BRCA2: variants seen among roughly 807,000 people sequenced by gnomAD.
The protein encoded by BRCA2 is BRCA2 DNA repair associated.
Under a neutral mutation model 276.7 loss-of-function variants are expected in BRCA2, and 203 were observed. That is an observed-to-expected ratio of 0.73 (90% CI 0.65 to 0.82). The LOEUF (loss-of-function observed/expected upper bound fraction) is 0.82. Ranked by LOEUF, BRCA2 falls within the 40% of genes least tolerant of loss-of-function variation. The pLI is 0.00. For missense variants in BRCA2, 3,920 were observed against 3,915.0 expected, an observed-to-expected ratio of 1.00 and a Z score of -0.03; for synonymous variants, 1,289 against 1,338.4, an observed-to-expected ratio of 0.96 and a Z score of 0.81.
At chr13:32,395,132 T>C (rs1375245854) in intron 25 of BRCA2, among the ~76,000 whole-genome samples, 199 bp downstream of exon 25, 1 of 152,094 alleles carries the variant, frequency 6.6e-6, no homozygotes, top group African/African-American at 2.4e-5. Flanking sequence ...AAGAATGACT[T>C]GAAGGGAAAT....
intron 20 of BRCA2, among the ~76,000 whole-genome samples, chr13:32,376,272 C>T (rs996042325): frequency 6.6e-6 from 1 of 151,436 alleles, no homozygotes; most frequent in Non-Finnish European, 1.5e-5. Context: ...TCTGTAATCC[C>T]AACAGTTTGG....
At chr13:32,383,421 A>G (rs2072938870) in intron 24 of BRCA2, among the ~76,000 whole-genome samples, 1 of 152,310 alleles carries the variant, frequency 6.6e-6, no homozygotes, top group Non-Finnish European at 1.5e-5. Flanking sequence ...TCATTATCTA[A>G]GAAAGTGGTA....
chr13:32,330,465 A>G (rs984565671), intron 8 of BRCA2, among the ~76,000 whole-genome samples: 2 of 152,200 alleles, frequency 1.3e-5, no homozygotes, highest in Non-Finnish European at 2.9e-5. Context: ...CAGCATCATT[A>G]TACTTGTGCT....
At chr13:32,323,312 C>G (rs1017732068) in intron 3 of BRCA2, among the ~76,000 whole-genome samples, 5 of 152,258 alleles carry the variant, frequency 3.3e-5, no homozygotes, top group Admixed American at 2.6e-4. Context: ...GCCACCACAC[C>G]TGGCTGATTT....
rs11571762 is a variant in BRCA2 at position 32,377,685 on chromosome 13, C to G, written c.8754+894C>G. 2.7e-3 allele frequency among the ~76,000 whole-genome samples: 412 copies of G among 151,076 alleles called. No individual in the cohort carries two copies. Among genetic ancestry groups the G allele is most frequent in the Non-Finnish European group, 4.6e-3 (315 of 67,850 alleles). ...AAAAGTTCCATATAAATGTTAGTTA[C>G]TATTATTAGAACATAATTTTATATA... On this transcript the variant is annotated intron_variant, in intron 21 of 26. Coordinates refer to ENST00000380152, the MANE Select transcript of BRCA2 (RefSeq NM_000059.4).
At chr13:32,373,518 A>T (rs913389056) in intron 20 of BRCA2, among the ~76,000 whole-genome samples, 10 of 151,402 alleles carry the variant, frequency 6.6e-5, no homozygotes, top group Non-Finnish European at 8.8e-5. Context: ...AAAAATAAAT[A>T]AAAAAAAATA....
chr13:32,328,753 T>C (rs910781279), intron 7 of BRCA2, among the ~76,000 whole-genome samples: 1 of 152,236 alleles, frequency 6.6e-6, no homozygotes, highest in Non-Finnish European at 1.5e-5. Context: ...TCATTGTTTA[T>C]CTGAAATTCA....
In BRCA2 at chr13:32,388,443, A is replaced by G. The variant is rs183854017; in HGVS notation, c.9257-6246A>G. On this transcript the variant is annotated intron_variant, in intron 24 of 26. Transcript: ENST00000380152. ...GTGTCTTAGGATTTTTCAACTTTAT[A>G]ATGGTCTGAAAACAAAACATGAGTA... is the stretch of plus-strand genomic sequence containing the variant. Among the ~76,000 whole-genome samples, 686 of 152,174 alleles carry G rather than the reference A, an allele frequency of 4.5e-3. 8 individuals carry two copies. Among genetic ancestry groups the G allele is most frequent in the South Asian group, 6.0e-3 (29 of 4,820 alleles).
At chr13:32,356,852 TC>T (rs2072702317) in intron 15 of BRCA2, among the ~76,000 whole-genome samples, 1 of 152,214 alleles carries the variant, frequency 6.6e-6, no homozygotes, top group Non-Finnish European at 1.5e-5. Context: ...TTCAAATCTT[TC>T]TTATTTTGTC....
At position 32,339,646 on chromosome 13, in the gene BRCA2, C is replaced by CA. The variant is rs1555284157; in HGVS notation, c.5297dup (p.Asn1766LysfsTer2). 6.2e-7 allele frequency: 1 copy of CA among 1,612,294 alleles called. No individual in the cohort carries two copies. Among genetic ancestry groups the CA allele is most frequent in the Non-Finnish European group, 8.5e-7 (1 of 1,178,834 alleles). On this transcript the variant is annotated frameshift_variant, in exon 11 of 27. Coordinates refer to ENST00000380152, the MANE Select transcript of BRCA2 (RefSeq NM_000059.4). LOFTEE classifies it high-confidence loss of function. ...GTATATAATGATTCAGGATATCTCTCAAAAAATAAACTTGATTCTGGTATT... is the reference window on the plus strand; with the variant it reads ...GTATATAATGATTCAGGATATCTCTCAAAAAAATAAACTTGATTCTGGTATT...
chr13:32,347,036 G>T, intron 13 of BRCA2, 140 bp downstream of exon 13: 1 of 621,916 alleles, frequency 1.6e-6, no homozygotes, highest in Non-Finnish European at 2.6e-6. Context: ...AAAATACTTT[G>T]GTAGTATTTT....
chr13:32,370,369 C>G (rs2137596124), intron 18 of BRCA2, 33 bp from the exon 19 acceptor site: 1 of 1,585,540 alleles, frequency 6.3e-7, no homozygotes, highest in South Asian at 1.1e-5. Context: ...ACATATTTAA[C>G]TACTAAATCA....
intron 19 of BRCA2, 46 bp from the exon 20 acceptor site, chr13:32,370,910 A>G (rs777290342): frequency 1.2e-6 from 2 of 1,611,182 alleles, no homozygotes; most frequent in Admixed American, 1.7e-5. Flanking sequence ...ATTAACTTGA[A>G]TGTTATATAT....
intron 21 of BRCA2, among the ~76,000 whole-genome samples, chr13:32,378,886 C>T (rs1353125255): frequency 2.6e-5 from 4 of 152,180 alleles, no homozygotes; most frequent in African/African-American, 9.7e-5. Context: ...GGGCCAACCT[C>T]TACTACCTAT....
At position 32,340,096 on chromosome 13, in the gene BRCA2, G is replaced by A. The variant is rs80358801; in HGVS notation, c.5741G>A (p.Ser1914Asn). 3 of 1,613,776 alleles carry A rather than the reference G, an allele frequency of 1.9e-6. No individual in the cohort carries two copies. The South Asian group carries it at 3.3e-5, about 18-fold the overall frequency. ...LHNSLDNDEC[S>N]THSHKVFADI... Reference sequence around the variant, plus strand: ...AACTCTCTAGATAATGATGAATGTAGCACGCATTCACATAAGGTTTTTGCT... The same window carrying A: ...AACTCTCTAGATAATGATGAATGTAACACGCATTCACATAAGGTTTTTGCT... The change falls in exon 11 of 27, where the codon AGC becomes AAC. Residue 1914 changes from serine (S) to asparagine (N), a missense_variant. This residue lies in a region of BRCA2 where 3,263 missense variants were observed against 3,156.9 expected (regional missense o/e 1.03). Coordinates refer to ENST00000380152, the MANE Select transcript of BRCA2 (RefSeq NM_000059.4).
rs80358811 is a variant in BRCA2 at position 32,340,191 on chromosome 13, T to A, written c.5836T>A (p.Ser1946Thr). 1 of 1,613,520 alleles carries A rather than the reference T, an allele frequency of 6.2e-7. No homozygotes were observed. Among genetic ancestry groups the A allele is most frequent in the South Asian group, 1.1e-5 (1 of 91,024 alleles). The change falls in exon 11 of 27, where the codon TCA (serine) becomes ACA (threonine). Residue 1946 changes from serine to threonine, a missense_variant. By Grantham distance (58) the Ser-to-Thr change is moderately conservative. This residue lies in a region of BRCA2 where 3,263 missense variants were observed against 3,156.9 expected (regional missense o/e 1.03). Coordinates refer to ENST00000380152, the MANE Select transcript of BRCA2 (RefSeq NM_000059.4). ...MSGLEKVSKI[S>T]PCDVSLETSD... ...TGGATTGGAGAAAGTTTCTAAAATATCACCTTGTGATGTTAGTTTGGAAAC... is the reference window on the plus strand; with the variant it reads ...TGGATTGGAGAAAGTTTCTAAAATAACACCTTGTGATGTTAGTTTGGAAAC...
At chr13:32,368,581 C>T (rs2072803675) in intron 18 of BRCA2, among the ~76,000 whole-genome samples, 1 of 151,160 alleles carries the variant, frequency 6.6e-6, no homozygotes, top group Non-Finnish European at 1.5e-5. Context: ...AGACTTTCCT[C>T]AATGGTGATC....
chr13:32,325,994 G>C (rs1206991351), intron 4 of BRCA2, 107 bp from the exon 5 acceptor site: 2 of 950,896 alleles, frequency 2.1e-6, no homozygotes, highest in African/African-American at 3.4e-5. Flanking sequence ...TCTAAAAGTA[G>C]TATTCCAACA....
chr13:32,356,063 A>G (rs529643533), intron 14 of BRCA2, among the ~76,000 whole-genome samples: 1 of 149,692 alleles, frequency 6.7e-6, no homozygotes, highest in East Asian at 2.0e-4. Flanking sequence ...TTTTTTTGAG[A>G]CAGAGTTTCG....
Sources: allele counts gnomAD v4.1 joint callset (sites outside exome capture counted in the v4.1 genomes callset), GRCh38; gene constraint gnomAD v4.1.1; regional missense constraint gnomAD v4.1.1; transcripts MANE v1.5; gene names NCBI Gene and HGNC (gene_info 2026-07-23, HGNC 2026-07-21).